PIK3C2A: variants seen among roughly 807,000 people sequenced by gnomAD.
The protein encoded by PIK3C2A is phosphatidylinositol 4-phosphate 3-kinase C2 domain-containing subunit alpha.
Under a neutral mutation model 204.5 loss-of-function variants are expected in PIK3C2A, and 97 were observed. The ratio of observed to expected loss-of-function variants is 0.47; its 90% CI spans 0.40 to 0.56. The LOEUF is 0.56. Among genes scored for constraint, PIK3C2A ranks in the 20% least tolerant of loss-of-function variants. The pLI, the probability that PIK3C2A is intolerant of heterozygous loss-of-function variation, is 0.00. For synonymous variants in PIK3C2A, 653 were observed against 664.4 expected (o/e 0.98, Z 0.26); for missense variants, 1,735 against 1,969.2 (o/e 0.88, Z 2.25).
intron 4 of PIK3C2A, among the ~76,000 whole-genome samples, chr11:17,149,546 C>A (rs1174036874): frequency 1.6e-4 from 25 of 152,104 alleles, no homozygotes; most frequent in Non-Finnish European, 2.9e-5. Context: ...AAAAGATTCA[C>A]CATTTTAAAT....
chr11:17,111,463 TGA>T (rs984980471), intron 21 of PIK3C2A, among the ~76,000 whole-genome samples: 5 of 152,164 alleles, frequency 3.3e-5, no homozygotes, highest in Admixed American at 6.6e-5. Flanking sequence ...AACTAAAACT[TGA>T]ATAAGTTTTC....
intron 1 of PIK3C2A, among the ~76,000 whole-genome samples, chr11:17,193,273 TA>T (rs1318340597): frequency 1.3e-5 from 2 of 152,162 alleles, no homozygotes; most frequent in Non-Finnish European, 2.9e-5. Context: ...ATTCTTCCAA[TA>T]AAAACTATCC....
rs1850335120 is a variant in PIK3C2A at position 17,148,796 on chromosome 11, GAGTT to G, written c.1328-13_1328-10del. 6.2e-7 allele frequency: 1 copy of G among 1,602,894 alleles called. No homozygotes were observed. The highest frequency in any genetic ancestry group is 1.1e-5 in the South Asian group (1 of 90,238). On this transcript the variant is annotated splice_polypyrimidine_tract_variant and intron_variant, in intron 4 of 32. Coordinates refer to ENST00000691414, the MANE Select transcript of PIK3C2A (RefSeq NM_002645.4). ...TTCTACAGTAGAACTCACTGTAAAA[GAGTT>G]AGTCATTATTTTCACTTTGCTCATT...
In PIK3C2A at chr11:17,101,377, T is replaced by C; in HGVS notation, c.3909A>G (p.Glu1303=). 1 of 1,596,178 alleles carries C rather than the reference T, an allele frequency of 6.3e-7. No homozygotes were observed. The highest frequency in any genetic ancestry group is 8.6e-7 in the Non-Finnish European group (1 of 1,166,160). The change falls in exon 25 of 33, where the codon GAA becomes GAG. Residue 1303 remains glutamate, a synonymous_variant. Transcript: ENST00000691414. ...ACAACTGAAAACGAATGGTGGGCTTTTCACCCCCATTAATGACATATGCCA... is the reference window on the plus strand; with the variant it reads ...ACAACTGAAAACGAATGGTGGGCTTCTCACCCCCATTAATGACATATGCCA... The part of the protein sequence containing the change: ...SDMAYVINGG[E]KPTIRFQLFV...
At chr11:17,206,474 A>T (rs1194539665) in intron 1 of PIK3C2A, among the ~76,000 whole-genome samples, 1 of 151,978 alleles carries the variant, frequency 6.6e-6, no homozygotes, top group Non-Finnish European at 1.5e-5. Flanking sequence ...GCTGCTGTGA[A>T]TAAGAGCACC....
chr11:17,100,078 T>C, intron 25 of PIK3C2A, 109 bp from the exon 26 acceptor site: 1 of 629,750 alleles, frequency 1.6e-6, no homozygotes, highest in South Asian at 1.9e-5. Flanking sequence ...ACAAAAATAA[T>C]CAGTCTTGAG....
intron 28 of PIK3C2A, 86 bp downstream of exon 28, chr11:17,094,175 T>C: frequency 1.1e-6 from 1 of 937,524 alleles, no homozygotes; most frequent in Non-Finnish European, 1.6e-6. Flanking sequence ...AATATCTTAC[T>C]AAGTGTTAAC....
intron 15 of PIK3C2A, 86 bp downstream of exon 15, chr11:17,122,102 C>A: frequency 2.8e-6 from 2 of 706,674 alleles, no homozygotes; most frequent in Non-Finnish European, 2.3e-6. Flanking sequence ...AAATCATGAA[C>A]AGAATCAGGT....
At chr11:17,095,922 T>C (rs1848441390) in intron 27 of PIK3C2A, among the ~76,000 whole-genome samples, 1 of 150,048 alleles carries the variant, frequency 6.7e-6, no homozygotes, top group Non-Finnish European at 1.5e-5. Context: ...TTTATATTTA[T>C]AAAATAAAAT....
chr11:17,153,455 C>T (rs1387321057), intron 3 of PIK3C2A, among the ~76,000 whole-genome samples: 1 of 149,630 alleles, frequency 6.7e-6, no homozygotes, highest in East Asian at 1.9e-4. Flanking sequence ...AAAAAAAGAA[C>T]CTTTTCAGCA....
chr11:17,202,259 GAAAAAA>G (rs551023337), intron 1 of PIK3C2A, among the ~76,000 whole-genome samples: 2 of 92,866 alleles, frequency 2.2e-5, no homozygotes, highest in Non-Finnish European at 4.1e-5. Context: ...TTCATCTCCA[GAAAAAA>G]AAAAAAAAAA....
At chr11:17,192,246 C>T (rs979051615) in intron 1 of PIK3C2A, among the ~76,000 whole-genome samples, 51 of 152,128 alleles carry the variant, frequency 3.4e-4, no homozygotes, top group Non-Finnish European at 1.6e-4. Flanking sequence ...GGGAATATTG[C>T]TGATACAGTA....
chr11:17,174,138 T>C (rs1851263473), intron 1 of PIK3C2A, among the ~76,000 whole-genome samples: 1 of 152,018 alleles, frequency 6.6e-6, no homozygotes, highest in African/African-American at 2.4e-5. Flanking sequence ...ACATGTGTTT[T>C]AACAAGAGGG....
chr11:17,138,702 A>G (rs1849957927), intron 8 of PIK3C2A, among the ~76,000 whole-genome samples: 1 of 152,142 alleles, frequency 6.6e-6, no homozygotes, highest in Non-Finnish European at 1.5e-5. Context: ...AGTCTCTGGC[A>G]CCAATTCAGC....
At chr11:17,150,399 C>A (rs1195552033) in intron 4 of PIK3C2A, 99 bp downstream of exon 4, 5 of 1,047,718 alleles carry the variant, frequency 4.8e-6, no homozygotes, top group Non-Finnish European at 6.7e-6. Flanking sequence ...CAAAAAGACA[C>A]ATAACAAAAT....
chr11:17,156,785 T>C (rs1295164229), intron 2 of PIK3C2A, among the ~76,000 whole-genome samples: 1 of 152,146 alleles, frequency 6.6e-6, no homozygotes, highest in Non-Finnish European at 1.5e-5. Context: ...CTTCGAGTGC[T>C]ACAAAACCAC....
intron 2 of PIK3C2A, among the ~76,000 whole-genome samples, chr11:17,165,312 A>C (rs1188553779): frequency 6.6e-6 from 1 of 152,186 alleles, no homozygotes; most frequent in Admixed American, 6.5e-5. Context: ...GAAATTCCAT[A>C]CTGTCCTTTG....
chr11:17,207,703 A>T (rs1852638032), intron 1 of PIK3C2A, 145 bp downstream of exon 1: 2 of 152,276 alleles, frequency 1.3e-5, no homozygotes, highest in South Asian at 4.1e-4. Context: ...CGCCAAGAGC[A>T]CGGGATGGAG....
At position 17,168,993 on chromosome 11, in the gene PIK3C2A, T is replaced by C; in HGVS notation, c.749A>G (p.Asp250Gly). 1.2e-6 allele frequency: 2 copies of C among 1,613,690 alleles called. No homozygotes were observed. Among genetic ancestry groups the C allele is most frequent in the Non-Finnish European group, 1.7e-6 (2 of 1,179,910 alleles). Residue 250 changes from aspartate to glycine, a missense_variant, in exon 2 of 33, where the codon GAT becomes GGT. Physicochemically the swap from Asp to Gly is moderately conservative, Grantham distance 94. Around this residue, in one of 6 missense-constraint regions of PIK3C2A, gnomAD observed 536 missense variants for 546.7 expected, o/e 0.98. Coordinates refer to ENST00000691414, the MANE Select transcript of PIK3C2A (RefSeq NM_002645.4). The stretch of plus-strand genomic sequence containing the variant: ...TACCTGTAGATTGCTGACTTTTGAA[T>C]CTGTTATCTCCAAATCAGTCCTTGC... ...GKARTDLEIT[D>G]SKVSNLQVSP... is the part of the protein sequence containing the mutation.
Sources: allele counts gnomAD v4.1 joint callset (sites outside exome capture counted in the v4.1 genomes callset), GRCh38; gene constraint gnomAD v4.1.1; regional missense constraint gnomAD v4.1.1; transcripts MANE v1.5; gene names NCBI Gene and HGNC (gene_info 2026-07-23, HGNC 2026-07-21).